GALK2: variants seen among roughly 807,000 people sequenced by gnomAD.
The protein encoded by GALK2 is N-acetylgalactosamine kinase.
In GALK2, 36 loss-of-function variants were observed where a neutral mutation model predicts 52.4. The observed-to-expected ratio is 0.69, with a 90% confidence interval of 0.53 to 0.91. The LOEUF (loss-of-function observed/expected upper bound fraction) is 0.91. Among genes scored for constraint, GALK2 ranks in the 40% least tolerant of loss-of-function variants. The pLI, the probability that GALK2 is intolerant of heterozygous loss-of-function variation, is 0.00. For synonymous variants in GALK2, 176 were observed against 199.1 expected (o/e 0.88, Z 0.98); for missense variants, 579 against 559.1 (o/e 1.04, Z -0.36).
At chr15:49,290,095 A>G (rs1276432482) in intron 7 of GALK2, among the ~76,000 whole-genome samples, 1 of 152,214 alleles carries the variant, frequency 6.6e-6, no homozygotes, top group Non-Finnish European at 1.5e-5. Flanking sequence ...CCTGACTTAT[A>G]GCCCTGCTTC....
chr15:49,289,259 A>T (rs974710224), intron 7 of GALK2, among the ~76,000 whole-genome samples: 2 of 152,144 alleles, frequency 1.3e-5, no homozygotes, highest in Admixed American at 1.3e-4. Context: ...CTGTGAGCAG[A>T]TGCACATGAA....
intron 1 of GALK2, among the ~76,000 whole-genome samples, chr15:49,196,490 T>C (rs556862666): frequency 9.8e-5 from 15 of 152,354 alleles, no homozygotes; most frequent in Non-Finnish European, 2.2e-4. Context: ...GTATTATTTC[T>C]ACTTTATGGA....
intron 1 of GALK2, chr15:49,198,833 TC>T (rs1425921134): frequency 2.4e-5 from 2 of 82,678 alleles, no homozygotes; most frequent in East Asian, 1.0e-3. Flanking sequence ...CCTCTTCCCC[TC>T]CCCTCTCCCT....
chr15:49,165,871 C>T (rs948812224), upstream of GALK2, among the ~76,000 whole-genome samples: 1 of 150,078 alleles, frequency 6.7e-6, no homozygotes, highest in South Asian at 2.1e-4. Flanking sequence ...GGTGCCATCT[C>T]CGCTCACTGC....
At position 49,328,647 on chromosome 15, in the gene GALK2, C is replaced by T. The variant is rs958929073; in HGVS notation, c.*488C>T. 1 of 1,572,556 alleles carries T rather than the reference C, an allele frequency of 6.4e-7. No homozygotes were observed. The highest frequency in any genetic ancestry group is 8.7e-7 in the Non-Finnish European group (1 of 1,155,580). On this transcript the variant is annotated 3_prime_UTR_variant, in exon 10 of 10. Coordinates refer to ENST00000560031, the MANE Select transcript of GALK2 (RefSeq NM_002044.4). ...TGATGATGACGATAGTGATGCCACA[C>T]ATTCTCTCTCAATTTCAGCTTCGGA... is the stretch of plus-strand genomic sequence containing the variant.
At chr15:49,262,059 A>G (rs2092137408) in intron 5 of GALK2, among the ~76,000 whole-genome samples, 1 of 152,086 alleles carries the variant, frequency 6.6e-6, no homozygotes, top group Non-Finnish European at 1.5e-5. Context: ...CCCGGCTTTG[A>G]CATCAGGATG....
At chr15:49,206,279 G>C (rs2141330743) in intron 2 of GALK2, among the ~76,000 whole-genome samples, 1 of 151,240 alleles carries the variant, frequency 6.6e-6, no homozygotes, top group Non-Finnish European at 1.5e-5. Flanking sequence ...CTTTTTTTAG[G>C]GTACATGTGC....
intron 3 of GALK2, among the ~76,000 whole-genome samples, chr15:49,354,326 C>T: frequency 6.6e-6 from 1 of 152,176 alleles, no homozygotes; most frequent in East Asian, 1.9e-4. Context: ...GCATTTCCAT[C>T]TGAGGTACCG....
chr15:49,325,381 A>G (rs180938391), intron 9 of GALK2, among the ~76,000 whole-genome samples: 3 of 152,332 alleles, frequency 2.0e-5, no homozygotes, highest in East Asian at 3.9e-4. Flanking sequence ...CTGATGTGCA[A>G]TAGCTCAGGA....
At chr15:49,358,571 C>G (rs2151379262) in intron 3 of GALK2, among the ~76,000 whole-genome samples, 1 of 149,318 alleles carries the variant, frequency 6.7e-6, no homozygotes, top group South Asian at 2.2e-4. Context: ...CAAACCACTG[C>G]TCAAGGAAAT....
intron 1 of GALK2, among the ~76,000 whole-genome samples, chr15:49,164,780 C>CAAAAAAAAAAAAAAAAAAAAAAAAAA (rs36107125): frequency 1.5e-5 from 1 of 65,182 alleles, no homozygotes. Context: ...AACTCCGTCT[C>CAAAAAAAAAAAAAAAAAAAAAAAAAA]AAAAAAAAAA....
At chr15:49,242,612 C>T (rs1443979302) in intron 5 of GALK2, among the ~76,000 whole-genome samples, 1 of 152,150 alleles carries the variant, frequency 6.6e-6, no homozygotes, top group Non-Finnish European at 1.5e-5. Flanking sequence ...ACAATTACTG[C>T]AGATGGGATA....
At chr15:49,319,156 G>T in intron 8 of GALK2, 1 of 359,202 alleles carries the variant, frequency 2.8e-6, no homozygotes, top group Non-Finnish European at 5.4e-6. Flanking sequence ...TTTTCACCAT[G>T]TTGGTCAGGC....
At chr15:49,353,565 T>C (rs374429068) in intron 3 of GALK2, 11 of 152,102 alleles carry the variant, frequency 7.2e-5, no homozygotes, top group South Asian at 6.2e-4. Flanking sequence ...CATTAACAGA[T>C]AATTTTATGA....
At chr15:49,205,449 G>T (rs2088198442) in intron 2 of GALK2, among the ~76,000 whole-genome samples, 3 of 152,176 alleles carry the variant, frequency 2.0e-5, no homozygotes, top group Non-Finnish European at 4.4e-5. Context: ...GTATCACATT[G>T]TGGTTTTGAT....
chr15:49,317,977 G>A (rs1020398617), intron 8 of GALK2: 1 of 152,004 alleles, frequency 6.6e-6, no homozygotes, highest in African/African-American at 2.4e-5. Context: ...GTTGATGGGT[G>A]CAGCAAACCA....
rs901321582 is a variant in GALK2 at position 49,329,964 on chromosome 15, A to G, written c.*1805A>G. On this transcript the variant is annotated 3_prime_UTR_variant, in exon 10 of 10. Coordinates refer to ENST00000560031, the MANE Select transcript of GALK2 (RefSeq NM_002044.4). ...ATTCTAAGCGAGGGATCTATTCTATATTTGTTTTGATTTCTCTCGATAAAA... is the reference window on the plus strand; with the variant it reads ...ATTCTAAGCGAGGGATCTATTCTATGTTTGTTTTGATTTCTCTCGATAAAA... 3 of 156,550 alleles carry G rather than the reference A, an allele frequency of 1.9e-5. No homozygotes were observed. The Admixed American group carries it at 2.0e-4, about 10-fold the overall frequency. 9.7% of individuals were successfully genotyped at this position (156,550 alleles called of 1,614,324 possible).
chr15:49,311,089 A>G (rs1024747183), intron 8 of GALK2, among the ~76,000 whole-genome samples: 4 of 152,050 alleles, frequency 2.6e-5, no homozygotes, highest in Non-Finnish European at 5.9e-5. Context: ...ACAGGAGTCT[A>G]TTTGTCTTCT....
intron 8 of GALK2, 146 bp from the exon 9 acceptor site, chr15:49,319,458 G>T: frequency 1.5e-6 from 1 of 648,218 alleles, no homozygotes; most frequent in Non-Finnish European, 2.6e-6. Context: ...TCAATTGAAA[G>T]AATCCTTTCA....
Sources: gnomAD v4.1 joint callset for allele counts (sites outside exome capture counted in the v4.1 genomes callset) on GRCh38, gnomAD v4.1.1 for gene constraint, MANE v1.5 for transcripts, NCBI Gene and HGNC (gene_info 2026-07-23, HGNC 2026-07-21) for gene names.